RUNX2: variants seen among roughly 807,000 people sequenced by gnomAD.
RUNX2 encodes the protein RUNX family transcription factor 2.
Under a neutral mutation model 51.7 loss-of-function variants are expected in RUNX2, and 10 were observed. The observed-to-expected ratio is 0.19, with a 90% CI of 0.12 to 0.33. The LOEUF (loss-of-function observed/expected upper bound fraction) is 0.33. Ranked by LOEUF, RUNX2 falls within the 10% of genes least tolerant of loss-of-function variation. The probability of loss-of-function intolerance (pLI) is 1.00; values close to 1 mark genes in which losing one functional copy is unlikely to be tolerated. For synonymous variants in RUNX2, 276 were observed against 273.6 expected (o/e 1.01, Z -0.09); for missense variants, 562 against 691.3 (o/e 0.81, Z 2.10).
intron 5 of RUNX2, among the ~76,000 whole-genome samples, chr6:45,456,134 A>G (rs991855523): frequency 1.3e-5 from 2 of 152,220 alleles, no homozygotes; most frequent in Non-Finnish European, 2.9e-5. Context: ...AAAGGTAAAA[A>G]GTCATTTGAA....
At chr6:45,437,075 A>G (rs1001021120) in intron 4 of RUNX2, among the ~76,000 whole-genome samples, 3 of 152,248 alleles carry the variant, frequency 2.0e-5, no homozygotes, top group Non-Finnish European at 4.4e-5. Context: ...TGTGCAACAG[A>G]GAATGGTATC....
At chr6:45,388,080 G>A (rs760484234) in intron 2 of RUNX2, among the ~76,000 whole-genome samples, 37 of 152,160 alleles carry the variant, frequency 2.4e-4, no homozygotes, top group East Asian at 1.9e-4. Flanking sequence ...CTGGTAAGGA[G>A]GGAAGGTTTG....
At chr6:45,511,577 C>T (rs535449796) in intron 6 of RUNX2, among the ~76,000 whole-genome samples, 1 of 152,242 alleles carries the variant, frequency 6.6e-6, no homozygotes, top group African/African-American at 2.4e-5. Context: ...TTAGCTTTAG[C>T]ATGAGAGTAA....
intron 7 of RUNX2, among the ~76,000 whole-genome samples, chr6:45,514,497 C>T (rs1039060235): frequency 1.3e-5 from 2 of 152,156 alleles, no homozygotes; most frequent in African/African-American, 4.8e-5. Context: ...TCCTCCAACC[C>T]TTAACATTTC....
rs1801563978 is a variant in RUNX2 at position 45,523,290 on chromosome 6, G to A, written c.1021+10883G>A. Among the ~76,000 whole-genome samples the A allele has an allele frequency of 2.0e-5, 3 of 152,088 alleles. No individual in the cohort carries two copies. In the South Asian group the frequency reaches 6.2e-4, roughly 32 times the overall value. On this transcript the variant is annotated intron_variant, in intron 7 of 8. Transcript: ENST00000647337. ...ATTATTTTATTAATTTTTTGAGACA[G>A]AGTTTTCTCTTATTGCCCAGGCTGG...
intron 2 of RUNX2, among the ~76,000 whole-genome samples, chr6:45,418,981 T>C (rs989555252): frequency 1.3e-5 from 2 of 152,168 alleles, no homozygotes; most frequent in African/African-American, 4.8e-5. Flanking sequence ...ATAATCTCAC[T>C]ATTGATTAAA....
intron 2 of RUNX2, chr6:45,378,088 G>T (rs939741689): frequency 6.6e-6 from 1 of 152,196 alleles, no homozygotes; most frequent in Non-Finnish European, 1.5e-5. Flanking sequence ...CTCCCAGCCC[G>T]AGCGAGCTAC....
At chr6:45,419,706 A>G (rs1798137886) in intron 2 of RUNX2, among the ~76,000 whole-genome samples, 1 of 152,172 alleles carries the variant, frequency 6.6e-6, no homozygotes, top group Non-Finnish European at 1.5e-5. Flanking sequence ...AAAGATAATT[A>G]AAAATCGCAC....
rs1159753587 is a variant in RUNX2, at chr6:45,548,991, C to A, written c.*1686C>A. The stretch of plus-strand genomic sequence containing the variant: ...CATATGGCCCACGGGGACCTACAGA[C>A]AGCCTTTGACATTTGTATTTCTTAC... On this transcript the variant is annotated 3_prime_UTR_variant, in exon 9 of 9. Coordinates refer to ENST00000647337, the MANE Select transcript of RUNX2 (RefSeq NM_001024630.4). 2.5e-6 allele frequency: 1 copy of A among 397,566 alleles called. No homozygotes were observed. Among genetic ancestry groups the A allele is most frequent in the Non-Finnish European group, 4.4e-6 (1 of 225,774 alleles). 24.6% of individuals were successfully genotyped at this position (397,566 alleles called of 1,614,324 possible).
At chr6:45,436,324 G>C (rs896443999) in intron 4 of RUNX2, among the ~76,000 whole-genome samples, 1 of 151,504 alleles carries the variant, frequency 6.6e-6, no homozygotes, top group African/African-American at 2.4e-5. Context: ...ATTAATTTTA[G>C]GGTCTGAAAA....
chr6:45,485,697 G>GTGTGTGTATATATATATATATATATATA (rs1219072282), intron 5 of RUNX2, among the ~76,000 whole-genome samples: 7 of 104,026 alleles, frequency 6.7e-5, no homozygotes, highest in African/African-American at 2.7e-4. Context: ...GTGTGTGTGT[G>GTGTGTGTATATATATATATATATATATA]TATATATATA....
In RUNX2 at chr6:45,473,002, C is replaced by T. The variant is rs145568612; in HGVS notation, c.686-18939C>T. On this transcript the variant is annotated intron_variant, in intron 5 of 8. Transcript: ENST00000647337. Reference sequence around the variant, plus strand: ...CAGCTAGTGTAATAAAATTGAGATTCAGGGGCAACCTGGTGTGAGTTAGCA... The same window carrying T: ...CAGCTAGTGTAATAAAATTGAGATTTAGGGGCAACCTGGTGTGAGTTAGCA... 4.6e-4 allele frequency among the ~76,000 whole-genome samples: 70 copies of T among 152,144 alleles called. 1 individual carries two copies. Among genetic ancestry groups the T allele is most frequent in the Non-Finnish European group, 9.6e-4 (65 of 68,022 alleles).
chr6:45,504,651 T>C (rs1231614999), intron 6 of RUNX2, among the ~76,000 whole-genome samples: 2 of 150,004 alleles, frequency 1.3e-5, no homozygotes, highest in Non-Finnish European at 3.0e-5. Flanking sequence ...AATCTCTGTA[T>C]GTATGAATGT....
At chr6:45,344,922 TTTAG>T (rs2150153039) in intron 2 of RUNX2, among the ~76,000 whole-genome samples, 1 of 152,226 alleles carries the variant, frequency 6.6e-6, no homozygotes, top group Non-Finnish European at 1.5e-5. Flanking sequence ...AGCAGGATAG[TTTAG>T]TAGTTGCCAT....
At chr6:45,509,002 C>T (rs1179172554) in intron 6 of RUNX2, among the ~76,000 whole-genome samples, 4 of 152,078 alleles carry the variant, frequency 2.6e-5, no homozygotes, top group African/African-American at 9.7e-5. Context: ...AACCCAGCTA[C>T]CCTAGATAGC....
chr6:45,481,620 G>A (rs1800117862), intron 5 of RUNX2, among the ~76,000 whole-genome samples: 1 of 152,020 alleles, frequency 6.6e-6, no homozygotes, highest in Non-Finnish European at 1.5e-5. Context: ...ATTAGTAGGA[G>A]AACAAGTGAT....
intron 7 of RUNX2, among the ~76,000 whole-genome samples, chr6:45,532,750 TC>T (rs1801902377): frequency 6.6e-6 from 1 of 152,134 alleles, no homozygotes; most frequent in African/African-American, 2.4e-5. Context: ...TTGGTCCACA[TC>T]TGGAGTGGAC....
intron 2 of RUNX2, among the ~76,000 whole-genome samples, chr6:45,404,688 C>T (rs1797795642): frequency 6.6e-6 from 1 of 152,192 alleles, no homozygotes; most frequent in Non-Finnish European, 1.5e-5. Flanking sequence ...GACCAGAGGC[C>T]AAACTTCACA....
intron 2 of RUNX2, among the ~76,000 whole-genome samples, chr6:45,341,480 TA>T (rs1789762098): frequency 6.6e-6 from 1 of 152,162 alleles, no homozygotes; most frequent in Admixed American, 6.6e-5. Context: ...AGGATCACAC[TA>T]AAATAAATAC....
Sources: gnomAD v4.1 joint callset for allele counts (sites outside exome capture counted in the v4.1 genomes callset) on GRCh38, gnomAD v4.1.1 for gene constraint, MANE v1.5 for transcripts, NCBI Gene and HGNC (gene_info 2026-07-23, HGNC 2026-07-21) for gene names.